Variants in TAOK1 observed in about 807,000 individuals in gnomAD.
TAOK1 encodes the protein TAO kinase 1.
In TAOK1, 21 loss-of-function variants were observed where a neutral mutation model predicts 138.3. The observed-to-expected ratio is 0.15, with a 90% CI of 0.11 to 0.22. The LOEUF is 0.22. Ranked by LOEUF, TAOK1 falls within the 10% of genes least tolerant of loss-of-function variation. TAOK1 has a pLI of 1.00. For synonymous variants in TAOK1, 361 were observed against 398.4 expected (o/e 0.91, Z 1.12); for missense variants, 651 against 1,227.7 (o/e 0.53, Z 7.02).
At chr17:29,541,620 A>T (rs957411949) in intron 19 of TAOK1, among the ~76,000 whole-genome samples, 1 of 150,646 alleles carries the variant, frequency 6.6e-6, no homozygotes, top group Non-Finnish European at 1.5e-5. Flanking sequence ...TACTAAAAAT[A>T]CAAAAATTAG....
At chr17:29,482,592 T>G (rs566186633) in intron 8 of TAOK1, among the ~76,000 whole-genome samples, 1 of 152,258 alleles carries the variant, frequency 6.6e-6, no homozygotes, top group South Asian at 2.1e-4. Context: ...TGTTTATGAT[T>G]ACCAGATTTA....
intron 13 of TAOK1, among the ~76,000 whole-genome samples, chr17:29,503,785 G>C (rs1161165119): frequency 6.6e-6 from 1 of 151,972 alleles, no homozygotes; most frequent in African/African-American, 2.4e-5. Flanking sequence ...GACCAGCCTG[G>C]GCAACATGGT....
intron 1 of TAOK1, among the ~76,000 whole-genome samples, chr17:29,405,016 G>T (rs922821112): frequency 6.6e-6 from 1 of 152,056 alleles, no homozygotes; most frequent in Non-Finnish European, 1.5e-5. Flanking sequence ...TTTTGCTCTT[G>T]TTGCCCAGGC....
intron 2 of TAOK1, among the ~76,000 whole-genome samples, chr17:29,453,952 G>A (rs1232147707): frequency 6.6e-6 from 1 of 150,964 alleles, no homozygotes; most frequent in African/African-American, 2.4e-5. Flanking sequence ...GGGACCACAA[G>A]CGTGCACCAC....
intron 18 of TAOK1, among the ~76,000 whole-genome samples, chr17:29,531,945 C>T (rs961899650): frequency 1.3e-5 from 2 of 150,990 alleles, no homozygotes. Flanking sequence ...ACTGCAAGCT[C>T]CGCCTCCCGG....
chr17:29,467,320 C>T, intron 3 of TAOK1, 104 bp downstream of exon 3: 1 of 578,268 alleles, frequency 1.7e-6, no homozygotes. Flanking sequence ...GTAGCCCAGG[C>T]TGGAGTGTAG....
chr17:29,423,364 C>T (rs1334931678), intron 1 of TAOK1, among the ~76,000 whole-genome samples: 7 of 151,340 alleles, frequency 4.6e-5, no homozygotes, highest in Non-Finnish European at 7.4e-5. Flanking sequence ...TACAGGTGCC[C>T]GCCACCACGC....
At chr17:29,410,635 GT>G (rs1207404073) in intron 1 of TAOK1, among the ~76,000 whole-genome samples, 4 of 136,908 alleles carry the variant, frequency 2.9e-5, no homozygotes, top group Non-Finnish European at 4.7e-5. Flanking sequence ...TTTTTTTTTG[GT>G]TTTTTTTTTT....
chr17:29,538,998 T>C (rs1226938807), intron 19 of TAOK1, among the ~76,000 whole-genome samples: 1 of 152,204 alleles, frequency 6.6e-6, no homozygotes, highest in African/African-American at 2.4e-5. Flanking sequence ...TGGCTTACAC[T>C]GTAATCCCAG....
intron 1 of TAOK1, among the ~76,000 whole-genome samples, chr17:29,415,514 G>A (rs11652799): frequency 0.14 from 21,470 of 152,054 alleles, 1,941 homozygotes; most frequent in Middle Eastern, 0.21. Flanking sequence ...ATTATTTCCC[G>A]TTAAAAAAAT....
chr17:29,439,935 A>G (rs901449559), intron 1 of TAOK1, among the ~76,000 whole-genome samples: 1 of 151,350 alleles, frequency 6.6e-6, no homozygotes, highest in Admixed American at 6.6e-5. Flanking sequence ...AGTTATAGGT[A>G]TCTAATTTGA....
At chr17:29,516,070 T>C (rs2031808321) in intron 15 of TAOK1, among the ~76,000 whole-genome samples, 1 of 151,262 alleles carries the variant, frequency 6.6e-6, no homozygotes, top group Non-Finnish European at 1.5e-5. Flanking sequence ...CAAGTGATTC[T>C]CCTGCCTCAG....
chr17:29,524,568 C>A (rs1253819488), intron 17 of TAOK1, among the ~76,000 whole-genome samples: 1 of 152,186 alleles, frequency 6.6e-6, no homozygotes, highest in Non-Finnish European at 1.5e-5. Context: ...TACAAGTGAG[C>A]TCAAGGTTTC....
At chr17:29,482,739 CAT>C (rs2031089742) in intron 8 of TAOK1, among the ~76,000 whole-genome samples, 1 of 149,864 alleles carries the variant, frequency 6.7e-6, no homozygotes, top group South Asian at 2.1e-4. Flanking sequence ...TATATATATA[CAT>C]ATTTTTTTTT....
chr17:29,409,597 T>TG (rs1413794482), intron 1 of TAOK1, among the ~76,000 whole-genome samples: 1 of 152,058 alleles, frequency 6.6e-6, no homozygotes, highest in Admixed American at 6.6e-5. Context: ...CCTCCCAAAG[T>TG]GCTGGGATTA....
At chr17:29,411,703 C>T (rs1384678925) in intron 1 of TAOK1, among the ~76,000 whole-genome samples, 1 of 152,032 alleles carries the variant, frequency 6.6e-6, no homozygotes, top group Admixed American at 6.6e-5. Context: ...TACAGAAGTA[C>T]TTTCTATATC....
At chr17:29,507,697 C>T (rs1567738563) in intron 13 of TAOK1, among the ~76,000 whole-genome samples, 199 bp from the exon 14 acceptor site, 1 of 151,958 alleles carries the variant, frequency 6.6e-6, no homozygotes, top group South Asian at 2.1e-4. Flanking sequence ...TTTGGATATT[C>T]TAGGTTCTTT....
intron 19 of TAOK1, among the ~76,000 whole-genome samples, chr17:29,541,882 AT>A (rs957652942): frequency 6.6e-6 from 1 of 151,322 alleles, no homozygotes. Context: ...TTTACTTTTT[AT>A]TTTTTTTGTG....
Position 29,542,716 on chromosome 17 carries a change from C to T in TAOK1, c.2700C>T (p.Phe900=). The T allele has an allele frequency of 1.2e-6, 2 of 1,614,248 alleles. No individual in the cohort carries two copies. Among genetic ancestry groups the T allele is most frequent in the Non-Finnish European group, 1.7e-6 (2 of 1,180,044 alleles). Residue 900 remains phenylalanine, a synonymous_variant, in exon 20 of 20, where the codon TTC becomes TTT. Coordinates refer to ENST00000261716, the MANE Select transcript of TAOK1 (RefSeq NM_020791.4). ...MVLSNLSPEA[F]SHSYPGASGW... is the part of the protein sequence containing the mutation. ...TTTCTAATCTCTCCCCTGAGGCATT[C>T]AGCCACAGCTACCCGGGAGCTTCTG...
Sources: gnomAD v4.1 joint callset for allele counts (sites outside exome capture counted in the v4.1 genomes callset) on GRCh38, gnomAD v4.1.1 for gene constraint, MANE v1.5 for transcripts, NCBI Gene and HGNC (gene_info 2026-07-23, HGNC 2026-07-21) for gene names.